Variants in FAF1 observed in about 807,000 individuals in gnomAD.
The protein encoded by FAF1 is Fas associated factor 1.
A neutral mutation model predicts 92.5 loss-of-function variants in FAF1; 25 were observed. That is an observed-to-expected ratio of 0.27 (90% CI 0.20 to 0.38). The LOEUF (loss-of-function observed/expected upper bound fraction) is 0.38, where lower values mean the gene tolerates loss of function less well. Ranked by LOEUF, FAF1 falls within the 10% of genes least tolerant of loss-of-function variation. The pLI is 1.00. For synonymous variants in FAF1, 234 were observed against 273.2 expected, an observed-to-expected ratio of 0.86 and a Z score of 1.42; for missense variants, 636 against 793.3, an observed-to-expected ratio of 0.80 and a Z score of 2.38.
intron 8 of FAF1, among the ~76,000 whole-genome samples, chr1:50,640,798 T>A (rs1258908997): frequency 6.6e-6 from 1 of 151,676 alleles, no homozygotes; most frequent in South Asian, 2.1e-4. Context: ...TCTTTTTCTC[T>A]TGATCAGTCT....
intron 3 of FAF1, among the ~76,000 whole-genome samples, chr1:50,793,251 TA>T (rs1230587011): frequency 6.6e-6 from 1 of 152,198 alleles, no homozygotes; most frequent in Non-Finnish European, 1.5e-5. Context: ...GTGCCACAGG[TA>T]CTTATTGTAA....
At chr1:50,454,404 C>A (rs968876469) in intron 18 of FAF1, among the ~76,000 whole-genome samples, 6 of 152,204 alleles carry the variant, frequency 3.9e-5, no homozygotes, top group Non-Finnish European at 7.3e-5. Context: ...TCCATAAAAT[C>A]AGGCCTGAGT....
Position 50,797,178 on chromosome 1 carries a change from T to C in FAF1, c.161+4453A>G, listed in dbSNP as rs988293870. Among the ~76,000 whole-genome samples, 3 of 151,922 alleles carry C rather than the reference T, an allele frequency of 2.0e-5. 1 individual carries two copies. The South Asian group carries it at 6.2e-4, about 32-fold the overall frequency. On this transcript the variant is annotated intron_variant, in intron 3 of 18. Transcript: ENST00000396153. ...AAAAATGAGAGGAAGAGAGAGATCT[T>C]ACCAGTCAATGAAGGATCCCATCAG...
At chr1:50,819,981 T>C (rs1644028870) in intron 2 of FAF1, among the ~76,000 whole-genome samples, 1 of 151,340 alleles carries the variant, frequency 6.6e-6, no homozygotes, top group South Asian at 2.1e-4. Flanking sequence ...CTCAGATGCA[T>C]GTGTTGCCCC....
intron 4 of FAF1, among the ~76,000 whole-genome samples, chr1:50,776,953 G>T (rs537408319): frequency 6.6e-5 from 10 of 151,800 alleles, no homozygotes; most frequent in Admixed American, 6.6e-4. Flanking sequence ...GAAGTTTGGT[G>T]ATTTAAAAAA....
Position 50,791,524 on chromosome 1 carries a change from T to C in FAF1, c.162-3319A>G, listed in dbSNP as rs896182612. Among the ~76,000 whole-genome samples the C allele has an allele frequency of 6.6e-5, 10 of 152,326 alleles. No individual in the cohort carries two copies. In the East Asian group the frequency reaches 1.9e-3, roughly 29 times the overall value. The stretch of plus-strand genomic sequence containing the variant: ...TAGTAAAGAGGGGAGGAGAGACTTC[T>C]TTTTTCCTGCTTGCATTCATTTCCA... On this transcript the variant is annotated intron_variant, in intron 3 of 18. Transcript: ENST00000396153.
intron 7 of FAF1, among the ~76,000 whole-genome samples, chr1:50,684,128 A>G (rs1656547725): frequency 6.7e-6 from 1 of 150,112 alleles, no homozygotes; most frequent in African/African-American, 2.5e-5. Flanking sequence ...TAGTTAAGCA[A>G]TAGATGCCAA....
intron 6 of FAF1, among the ~76,000 whole-genome samples, chr1:50,722,092 A>C (rs1406030898): frequency 6.6e-6 from 1 of 152,238 alleles, no homozygotes; most frequent in Non-Finnish European, 1.5e-5. Context: ...TTTGAAAACA[A>C]AAATACTTAG....
At chr1:50,492,107 T>C (rs893872074) in intron 15 of FAF1, among the ~76,000 whole-genome samples, 1 of 152,252 alleles carries the variant, frequency 6.6e-6, no homozygotes, top group African/African-American at 2.4e-5. Flanking sequence ...ATAGGGTCAC[T>C]GTGAGAATTA....
At chr1:50,901,640 T>C (rs1371892287) in intron 1 of FAF1, among the ~76,000 whole-genome samples, 1 of 152,022 alleles carries the variant, frequency 6.6e-6, no homozygotes, top group Non-Finnish European at 1.5e-5. Flanking sequence ...CCAAGGCAGG[T>C]GGATCACTTT....
intron 7 of FAF1, among the ~76,000 whole-genome samples, chr1:50,703,468 T>C (rs1000216765): frequency 6.6e-6 from 1 of 152,108 alleles, no homozygotes; most frequent in African/African-American, 2.4e-5. Flanking sequence ...ATCTAAGTTG[T>C]ACAGAATAAA....
At chr1:50,631,990 T>C (rs1024771555) in intron 8 of FAF1, among the ~76,000 whole-genome samples, 1 of 152,230 alleles carries the variant, frequency 6.6e-6, no homozygotes, top group South Asian at 2.1e-4. Context: ...TTACTACAGA[T>C]GTACATGTAT....
At chr1:50,673,956 C>CT (rs111330709) in intron 7 of FAF1, among the ~76,000 whole-genome samples, 3,385 of 143,656 alleles carry the variant, frequency 0.024, 116 homozygotes, top group African/African-American at 0.07. Context: ...GACTCTGAGG[C>CT]TTTTTTTTTT....
chr1:50,938,080 T>C (rs562020199), intron 1 of FAF1, among the ~76,000 whole-genome samples: 21 of 152,326 alleles, frequency 1.4e-4, no homozygotes, highest in Admixed American at 1.2e-3. Flanking sequence ...CAAAACTCCA[T>C]GATATACCCA....
chr1:50,886,676 G>C (rs540233197), intron 1 of FAF1, among the ~76,000 whole-genome samples: 14 of 152,166 alleles, frequency 9.2e-5, no homozygotes, highest in Non-Finnish European at 1.9e-4. Context: ...ATGGTTTCCA[G>C]CTTCATCCAT....
intron 4 of FAF1, among the ~76,000 whole-genome samples, chr1:50,779,489 T>G (rs1261313347): frequency 6.6e-6 from 1 of 152,126 alleles, no homozygotes; most frequent in East Asian, 1.9e-4. Flanking sequence ...GCTGCAGAAC[T>G]GATACTGTGT....
At chr1:50,649,235 C>A (rs1187470911) in intron 8 of FAF1, among the ~76,000 whole-genome samples, 2 of 151,870 alleles carry the variant, frequency 1.3e-5, no homozygotes, top group Non-Finnish European at 2.9e-5. Flanking sequence ...TCACTGCAAC[C>A]TCCGCCTTCC....
chr1:50,883,326 G>A (rs975654928), intron 1 of FAF1, among the ~76,000 whole-genome samples: 1 of 152,140 alleles, frequency 6.6e-6, no homozygotes, highest in Non-Finnish European at 1.5e-5. Context: ...TTTGCAAAAT[G>A]CTAAAGTATC....
intron 1 of FAF1, among the ~76,000 whole-genome samples, chr1:50,920,674 A>G (rs1191792861): frequency 6.6e-6 from 1 of 152,246 alleles, no homozygotes; most frequent in Non-Finnish European, 1.5e-5. Flanking sequence ...GAGAAAATCT[A>G]TATCACCATC....
Sources: gnomAD v4.1 joint callset for allele counts (sites outside exome capture counted in the v4.1 genomes callset) on GRCh38, gnomAD v4.1.1 for gene constraint, MANE v1.5 for transcripts, NCBI Gene and HGNC (gene_info 2026-07-23, HGNC 2026-07-21) for gene names.